Variants in DLG2 observed in about 807,000 individuals in gnomAD.
The protein encoded by DLG2 is disks large homolog 2.
Under a neutral mutation model 132.5 loss-of-function variants are expected in DLG2, and 45 were observed. That is an observed-to-expected ratio of 0.34 (90% CI 0.27 to 0.44). The LOEUF is 0.44. Ranked by LOEUF, DLG2 falls within the 20% of genes least tolerant of loss-of-function variation. DLG2 has a pLI of 1.00. For synonymous variants in DLG2, 424 were observed against 419.6 expected (o/e 1.01, Z -0.13); for missense variants, 1,045 against 1,196.9 (o/e 0.87, Z 1.87).
intron 10 of DLG2, among the ~76,000 whole-genome samples, chr11:84,094,191 A>C (rs897301334): frequency 1.9e-4 from 29 of 152,116 alleles, no homozygotes; most frequent in African/African-American, 6.8e-4. Flanking sequence ...AAACTTAGGG[A>C]AGTTGCTTAA....
At chr11:84,039,079 G>T (rs1002289034) in intron 11 of DLG2, among the ~76,000 whole-genome samples, 2 of 151,706 alleles carry the variant, frequency 1.3e-5, no homozygotes, top group Non-Finnish European at 2.9e-5. Flanking sequence ...TACGCATACC[G>T]CCCACAATGT....
At chr11:85,427,200 C>T (rs1025910339) in intron 3 of DLG2, among the ~76,000 whole-genome samples, 2 of 152,220 alleles carry the variant, frequency 1.3e-5, no homozygotes, top group East Asian at 3.9e-4. Flanking sequence ...GGAAAGCACT[C>T]TACAGGATAT....
At chr11:85,146,991 C>G (rs1010229229) in intron 5 of DLG2, among the ~76,000 whole-genome samples, 4 of 152,340 alleles carry the variant, frequency 2.6e-5, no homozygotes, top group Admixed American at 2.6e-4. Context: ...TTGTATTCTG[C>G]TGTGAGAGGG....
intron 6 of DLG2, among the ~76,000 whole-genome samples, chr11:84,591,979 G>A (rs1299598390): frequency 6.6e-6 from 1 of 152,086 alleles, no homozygotes; most frequent in East Asian, 1.9e-4. Flanking sequence ...TCAGCCTCCT[G>A]AGTAGCTGGG....
intron 18 of DLG2, among the ~76,000 whole-genome samples, chr11:83,676,260 C>A (rs1197531736): frequency 6.6e-6 from 1 of 152,166 alleles, no homozygotes; most frequent in East Asian, 1.9e-4. Flanking sequence ...TGGCAACTGT[C>A]CTGGGGCCAT....
intron 6 of DLG2, among the ~76,000 whole-genome samples, chr11:84,694,129 A>C (rs1440248683): frequency 6.6e-6 from 1 of 151,646 alleles, no homozygotes; most frequent in Non-Finnish European, 1.5e-5. Flanking sequence ...CAAGTATTGG[A>C]GAAAGAAAGG....
intron 21 of DLG2, among the ~76,000 whole-genome samples, chr11:83,502,643 T>A (rs892070959): frequency 1.3e-5 from 2 of 152,112 alleles, no homozygotes; most frequent in Non-Finnish European, 2.9e-5. Context: ...GTAGCTTCCC[T>A]AAGGGCTCCT....
At chr11:85,489,275 C>T (rs2093502908) in intron 3 of DLG2, among the ~76,000 whole-genome samples, 1 of 152,098 alleles carries the variant, frequency 6.6e-6, no homozygotes, top group South Asian at 2.1e-4. Context: ...AATAGCTACA[C>T]TTACATCAGA....
chr11:85,230,728 G>A (rs1209647005), intron 4 of DLG2, among the ~76,000 whole-genome samples: 1 of 151,830 alleles, frequency 6.6e-6, no homozygotes, highest in Admixed American at 6.6e-5. Context: ...TGGTTTGGAT[G>A]TTTATTCCTC....
At chr11:85,282,177 G>T (rs2152754652) in intron 4 of DLG2, among the ~76,000 whole-genome samples, 1 of 152,072 alleles carries the variant, frequency 6.6e-6, no homozygotes, top group East Asian at 1.9e-4. Context: ...CATGCAGATG[G>T]AAAGTTGAAT....
At chr11:83,965,029 A>G (rs118161138) in intron 13 of DLG2, among the ~76,000 whole-genome samples, 254 of 152,104 alleles carry the variant, frequency 1.7e-3, no homozygotes, top group Non-Finnish European at 2.9e-3. Context: ...ATGCTTTAGG[A>G]GCTTGAGAAA....
At chr11:85,434,555 A>C (rs1468787195) in intron 3 of DLG2, among the ~76,000 whole-genome samples, 1 of 152,220 alleles carries the variant, frequency 6.6e-6, no homozygotes, top group Non-Finnish European at 1.5e-5. Flanking sequence ...CCTCTATGCA[A>C]ATAAACTAGG....
chr11:84,409,261 A>G lies in DLG2; in HGVS notation c.519+125309T>C, dbSNP rs146763454. Among the ~76,000 whole-genome samples the G allele has an allele frequency of 9.2e-4, 140 of 152,282 alleles. 2 individuals carry two copies. In the East Asian group the frequency reaches 0.025, roughly 27 times the overall value. On this transcript the variant is annotated intron_variant, in intron 7 of 27. Transcript: ENST00000376104. ...CCATTTAGCAATTAGGATGAATCAC[A>G]TGCACTTCAGGACTTAGAAGGGCCC...
At chr11:83,462,413 A>G (rs1301277877) in intron 26 of DLG2, among the ~76,000 whole-genome samples, 2 of 152,144 alleles carry the variant, frequency 1.3e-5, no homozygotes, top group African/African-American at 4.8e-5. Context: ...ATATTTAAGT[A>G]AAGTGCTTAA....
chr11:85,398,073 A>C (rs1309997099), intron 3 of DLG2, among the ~76,000 whole-genome samples: 2 of 152,156 alleles, frequency 1.3e-5, no homozygotes, highest in Non-Finnish European at 2.9e-5. Context: ...ATCACAACAA[A>C]CTGTCTCTCA....
At chr11:84,301,528 C>T (rs1273592723) in intron 7 of DLG2, among the ~76,000 whole-genome samples, 5 of 151,530 alleles carry the variant, frequency 3.3e-5, no homozygotes, top group South Asian at 2.1e-4. Context: ...GGCCTGGTGG[C>T]GGCGCCTATA....
chr11:83,812,218 G>T (rs780101838), intron 17 of DLG2, among the ~76,000 whole-genome samples: 4 of 152,106 alleles, frequency 2.6e-5, no homozygotes, highest in Non-Finnish European at 5.9e-5. Context: ...GCATTTTCTA[G>T]AAGAACTGTT....
chr11:85,522,563 T>C lies in DLG2; in HGVS notation c.40+76094A>G, dbSNP rs182427417. 1.9e-4 allele frequency among the ~76,000 whole-genome samples: 29 copies of C among 152,180 alleles called. No individual in the cohort carries two copies. The East Asian group carries it at 5.4e-3, about 28-fold the overall frequency. On this transcript the variant is annotated intron_variant, in intron 3 of 27. Transcript: ENST00000376104. Reference sequence around the variant, plus strand: ...ATGTGGAAAAGCCACAGACACTCAATGTCAGCCATGAAAGCAGCTAGGGCA... The same window carrying C: ...ATGTGGAAAAGCCACAGACACTCAACGTCAGCCATGAAAGCAGCTAGGGCA...
At chr11:84,710,354 G>A (rs536094033) in intron 6 of DLG2, among the ~76,000 whole-genome samples, 185 of 151,940 alleles carry the variant, frequency 1.2e-3, no homozygotes, top group African/African-American at 4.3e-3. Context: ...GCTCAAGAGA[G>A]AACTAGAAAT....
Sources: gnomAD v4.1 joint callset for allele counts (sites outside exome capture counted in the v4.1 genomes callset) on GRCh38, gnomAD v4.1.1 for gene constraint, MANE v1.5 for transcripts, NCBI Gene and HGNC (gene_info 2026-07-23, HGNC 2026-07-21) for gene names.